VASP: variants seen among roughly 807,000 people sequenced by gnomAD.
VASP encodes vasodilator-stimulated phosphoprotein.
VASP carries 27 observed loss-of-function variants against 54.4 expected under a neutral mutation model. The observed-to-expected ratio is 0.50, with a 90% CI of 0.37 to 0.68. VASP has a LOEUF of 0.68. Among genes scored for constraint, VASP ranks in the 30% least tolerant of loss-of-function variants. The pLI is 0.00. For missense variants in VASP, 488 were observed against 528.3 expected (o/e 0.92, Z 0.75); for synonymous variants, 233 against 209.8 (o/e 1.11, Z -0.96).
intron 3 of VASP, 61 bp downstream of exon 3, chr19:45,518,155 G>A (rs1408606763): frequency 2.6e-6 from 4 of 1,556,142 alleles, no homozygotes; most frequent in Non-Finnish European, 3.5e-6. Context: ...TGGGGCTGCC[G>A]CTTTACCCTG....
chr19:45,509,257 A>G (rs1019691891), intron 1 of VASP, among the ~76,000 whole-genome samples: 6 of 152,152 alleles, frequency 3.9e-5, no homozygotes, highest in African/African-American at 1.2e-4. Context: ...CTTCCTGCCT[A>G]TCCGCTCCCC....
chr19:45,511,288 T>C (rs1327143417), intron 1 of VASP, among the ~76,000 whole-genome samples: 1 of 152,178 alleles, frequency 6.6e-6, no homozygotes, highest in Non-Finnish European at 1.5e-5. Flanking sequence ...TCACCATGCT[T>C]GATTACCTCT....
At chr19:45,520,939 G>C (rs1968817603) in intron 3 of VASP, among the ~76,000 whole-genome samples, 2 of 152,224 alleles carry the variant, frequency 1.3e-5, no homozygotes, top group South Asian at 2.1e-4. Context: ...ACTCCAGCCT[G>C]GGTGACAGAG....
chr19:45,519,159 C>T (rs1323578638), intron 3 of VASP, among the ~76,000 whole-genome samples: 2 of 152,194 alleles, frequency 1.3e-5, no homozygotes, highest in African/African-American at 4.8e-5. Context: ...GGACTATAGG[C>T]GTGAGCCACC....
At chr19:45,508,233 T>C (rs1968527839) in intron 1 of VASP, among the ~76,000 whole-genome samples, 3 of 152,008 alleles carry the variant, frequency 2.0e-5, no homozygotes, top group Admixed American at 6.6e-5. Flanking sequence ...GGTGTGCAGG[T>C]CCCCCGTTTA....
intron 11 of VASP, chr19:45,525,020 C>T (rs1222170090): frequency 4.3e-6 from 1 of 235,216 alleles, no homozygotes; most frequent in Non-Finnish European, 8.7e-6. Flanking sequence ...GAATTCTCCC[C>T]TAGAATCCTC....
chr19:45,507,795 C>A lies in VASP; in HGVS notation c.5+19C>A. On this transcript the variant is annotated intron_variant, in intron 1 of 12. Transcript: ENST00000245932. This position sits in a 1 kb window ranked among gnomAD's most constrained non-coding sequence, Gnocchi z 4.4. ...CCATGAGGTGAGCCGGACCTGCCCC[C>A]CGACCCGTCCCCGCCCGGGCGGGCT... The A allele has an allele frequency of 7.1e-7, 1 of 1,417,074 alleles. No homozygotes were observed. Among genetic ancestry groups the A allele is most frequent in the Non-Finnish European group, 9.1e-7 (1 of 1,095,108 alleles). The allele number at this position is 1,417,074 out of a possible 1,614,324, so 87.8% of individuals were successfully genotyped here.
chr19:45,523,959 G>C (rs1968902909), intron 9 of VASP, 82 bp downstream of exon 9: 6 of 1,610,110 alleles, frequency 3.7e-6, no homozygotes, highest in Non-Finnish European at 4.2e-6. Context: ...CCTTATAGGA[G>C]AGTCAGGGCG....
At position 45,522,120 on chromosome 19, in the gene VASP, C is replaced by A. The variant is rs748779731; in HGVS notation, c.429-48C>A. The A allele has an allele frequency of 1.6e-5, 25 of 1,611,658 alleles. No homozygotes were observed. The African/African-American group carries it at 3.3e-4, about 22-fold the overall frequency. ...GGAGGTCGCTGGCCCCTTCGCTGGC[C>A]ATCCTTAGGGCCCTGATTGACGGCA... On this transcript the variant is annotated intron_variant, in intron 4 of 12. Coordinates refer to ENST00000245932, the MANE Select transcript of VASP (RefSeq NM_003370.4).
rs779921003 is a variant in VASP at position 45,517,918 on chromosome 19, C to T, written c.178-11C>T. ...CCCGCCGCCCCTCACCCCCCTTTCC[C>T]CTCCCACCAGGTGGTCATCAACTGT... is the stretch of plus-strand genomic sequence containing the variant. On this transcript the variant is annotated splice_polypyrimidine_tract_variant and intron_variant, in intron 2 of 12. Coordinates refer to ENST00000245932, the MANE Select transcript of VASP (RefSeq NM_003370.4). 1.6e-5 allele frequency: 26 copies of T among 1,611,302 alleles called. No homozygotes were observed. The highest frequency in any genetic ancestry group is 8.0e-5 in the African/African-American group (6 of 74,868).
At position 45,523,636 on chromosome 19, in the gene VASP, T is replaced by C; in HGVS notation, c.822-8T>C. On this transcript the variant is annotated splice_region_variant and splice_polypyrimidine_tract_variant and intron_variant, in intron 7 of 12. Transcript: ENST00000245932. ...GGAAGCACGTGTTTTTGCTTTTCTC[T>C]CCTGCAGAAGGAAAGCCACGCAAGT... The C allele has an allele frequency of 6.2e-7, 1 of 1,613,926 alleles. No homozygotes were observed. Among genetic ancestry groups the C allele is most frequent in the Non-Finnish European group, 8.5e-7 (1 of 1,179,972 alleles).
chr19:45,509,459 C>T (rs565292698), intron 1 of VASP, among the ~76,000 whole-genome samples: 1 of 152,258 alleles, frequency 6.6e-6, no homozygotes, highest in Admixed American at 6.5e-5. Context: ...TTAGTGCTGC[C>T]TCACTCACTG....
In VASP at chr19:45,522,429, C is replaced by A; in HGVS notation, c.568C>A (p.Pro190Thr). ...PGPPPPPGLP[P>T]SGVPAAAHGA... ...TCCCCCCCCACCCCCAGGTTTGCCC[C>A]CTTCGGGGGTCCCAGCTGCAGCGCA... The change falls in exon 6 of 13, where the codon CCT (proline) becomes ACT (threonine). Residue 190 changes from proline to threonine, a missense_variant. Transcript: ENST00000245932. The A allele has an allele frequency of 7.9e-6, 12 of 1,523,186 alleles. No homozygotes were observed. The highest frequency in any genetic ancestry group is 1.1e-5 in the Non-Finnish European group (12 of 1,135,040). The allele number at this position is 1,523,186 out of a possible 1,614,324, so 94.4% of individuals were successfully genotyped here.
At chr19:45,524,841 G>A in intron 11 of VASP, 181 bp downstream of exon 11, 1 of 583,924 alleles carries the variant, frequency 1.7e-6, no homozygotes, top group South Asian at 1.9e-5. Flanking sequence ...TGGCACCTGT[G>A]ACAGACATTA....
intron 3 of VASP, among the ~76,000 whole-genome samples, chr19:45,519,886 C>A (rs1276447648): frequency 1.5e-5 from 2 of 136,034 alleles, no homozygotes; most frequent in Non-Finnish European, 3.1e-5. Context: ...TGAGCCACTG[C>A]GCCCGGCCTT....
chr19:45,524,437 A>C (rs979438164), intron 10 of VASP, 133 bp from the exon 11 acceptor site: 8 of 887,334 alleles, frequency 9.0e-6, no homozygotes, highest in Admixed American at 7.0e-5. Context: ...AAAAAAAAAA[A>C]CTGGGGCCCC....
At chr19:45,517,484 T>A (rs564231530) in intron 1 of VASP, among the ~76,000 whole-genome samples, 179 bp from the exon 2 acceptor site, 1 of 151,988 alleles carries the variant, frequency 6.6e-6, no homozygotes, top group Non-Finnish European at 1.5e-5. Flanking sequence ...TTTGCCTGTC[T>A]CTCCTGATCT....
In VASP at chr19:45,522,218, G is replaced by A; in HGVS notation, c.478+1G>A. On this transcript the variant is annotated splice_donor_variant, in intron 5 of 12. Coordinates refer to ENST00000245932, the MANE Select transcript of VASP (RefSeq NM_003370.4). LOFTEE classifies it high-confidence loss of function. ...ATAGAGCGCCGGGTCTCCAATGCAGGTGATGCTCAGATAGCTTCGGGAGTT... is the reference window on the plus strand; with the variant it reads ...ATAGAGCGCCGGGTCTCCAATGCAGATGATGCTCAGATAGCTTCGGGAGTT... 6.2e-7 allele frequency: 1 copy of A among 1,614,238 alleles called. No homozygotes were observed. The highest frequency in any genetic ancestry group is 1.1e-5 in the South Asian group (1 of 91,086).
intron 7 of VASP, 56 bp from the exon 8 acceptor site, chr19:45,523,588 C>T: frequency 1.3e-6 from 2 of 1,586,542 alleles, no homozygotes; most frequent in East Asian, 2.2e-5. Flanking sequence ...GAACTCCCCT[C>T]AGAAGGGGAT....
Sources: allele counts gnomAD v4.1 joint callset (sites outside exome capture counted in the v4.1 genomes callset), GRCh38; gene constraint gnomAD v4.1.1; non-coding constraint Gnocchi (gnomAD v3.1); transcripts MANE v1.5; gene names NCBI Gene and HGNC (gene_info 2026-07-23, HGNC 2026-07-21).